KIF16B: variants seen among roughly 807,000 people sequenced by gnomAD.
The protein encoded by KIF16B is kinesin-like protein KIF16B.
In KIF16B, 98 loss-of-function variants were observed where a neutral mutation model predicts 156.3. That is an observed-to-expected ratio of 0.63 (90% CI 0.53 to 0.74). KIF16B has a LOEUF of 0.74. KIF16B is among the 30% of genes least tolerant of loss of function. The pLI is 0.00. For synonymous variants in KIF16B, 564 were observed against 583.7 expected (o/e 0.97, Z 0.49); for missense variants, 1,421 against 1,606.5 (o/e 0.88, Z 1.97).
chr20:16,405,798 TTTA>T (rs1176215621), intron 16 of KIF16B, among the ~76,000 whole-genome samples: 2 of 152,112 alleles, frequency 1.3e-5, no homozygotes, highest in South Asian at 2.1e-4. Flanking sequence ...AGCTGTAGCC[TTTA>T]TTATTTTCTT....
intron 1 of KIF16B, among the ~76,000 whole-genome samples, chr20:16,567,140 T>C (rs1052218108): frequency 7.2e-5 from 11 of 152,320 alleles, no homozygotes; most frequent in African/African-American, 2.6e-4. Context: ...AAATCCAGCA[T>C]CATAGTATCT....
At chr20:16,275,602 T>C (rs1004590317) in intron 25 of KIF16B, among the ~76,000 whole-genome samples, 1 of 152,166 alleles carries the variant, frequency 6.6e-6, no homozygotes, top group African/African-American at 2.4e-5. Context: ...AAGCAAGTAT[T>C]CTCAACTCAA....
chr20:16,367,790 G>A, intron 22 of KIF16B: 2 of 1,612,482 alleles, frequency 1.2e-6, no homozygotes, highest in East Asian at 2.2e-5. Context: ...GCGGCATCAG[G>A]CTCTGGCATC....
chr20:16,410,591 T>G (rs918099485), intron 15 of KIF16B, among the ~76,000 whole-genome samples: 1 of 152,058 alleles, frequency 6.6e-6, no homozygotes, highest in Non-Finnish European at 1.5e-5. Flanking sequence ...TAAATAATTT[T>G]GTGAATGAAA....
At chr20:16,273,980 G>A (rs1342357673) in intron 25 of KIF16B, among the ~76,000 whole-genome samples, 1 of 151,316 alleles carries the variant, frequency 6.6e-6, no homozygotes, top group Admixed American at 6.6e-5. Context: ...AGGCACAGGG[G>A]ATCTGCCTCT....
At chr20:16,305,469 C>T (rs1601533585) in intron 25 of KIF16B, among the ~76,000 whole-genome samples, 1 of 152,118 alleles carries the variant, frequency 6.6e-6, no homozygotes, top group Non-Finnish European at 1.5e-5. Flanking sequence ...GATACCTGTA[C>T]AAAATGTGTA....
chr20:16,445,411 T>C, intron 12 of KIF16B, among the ~76,000 whole-genome samples: 1 of 127,400 alleles, frequency 7.8e-6, no homozygotes, highest in African/African-American at 2.9e-5. Flanking sequence ...TATTCAGACA[T>C]GTATATACGT....
intron 23 of KIF16B, among the ~76,000 whole-genome samples, chr20:16,339,101 G>T (rs1472777670): frequency 6.6e-6 from 1 of 152,182 alleles, no homozygotes; most frequent in Non-Finnish European, 1.5e-5. Context: ...TGACAGAAAG[G>T]AGGCTGTGTT....
At chr20:16,554,899 A>AC in intron 1 of KIF16B, among the ~76,000 whole-genome samples, 1 of 152,128 alleles carries the variant, frequency 6.6e-6, no homozygotes, top group East Asian at 1.9e-4. Flanking sequence ...GGAGTTGCCC[A>AC]CCCCACTGCA....
chr20:16,478,743 T>TA (rs1350030142), intron 12 of KIF16B, among the ~76,000 whole-genome samples: 1 of 152,216 alleles, frequency 6.6e-6, no homozygotes, highest in Admixed American at 6.5e-5. Flanking sequence ...GGTATATTGT[T>TA]ATAATTGTTT....
At chr20:16,377,583 C>G (rs1348457823) in intron 19 of KIF16B, among the ~76,000 whole-genome samples, 1 of 151,842 alleles carries the variant, frequency 6.6e-6, no homozygotes, top group East Asian at 2.0e-4. Flanking sequence ...ACCCTGTGAT[C>G]TCATCCATCC....
At chr20:16,471,759 C>T (rs1240241043) in intron 12 of KIF16B, among the ~76,000 whole-genome samples, 2 of 152,220 alleles carry the variant, frequency 1.3e-5, no homozygotes, top group Non-Finnish European at 2.9e-5. Flanking sequence ...AAAGTGATTA[C>T]TACACGTACT....
rs1412179450 is a variant in KIF16B, at chr20:16,404,714, G to T, written c.1784+99C>A. The T allele has an allele frequency of 1.9e-5, 17 of 872,572 alleles. 1 individual carries two copies. Among genetic ancestry groups the T allele is most frequent in the Non-Finnish European group, 1.9e-6 (1 of 539,438 alleles). The allele number at this position is 872,572 out of a possible 1,614,324, so 54.1% of individuals were successfully genotyped here. On this transcript the variant is annotated intron_variant, in intron 17 of 25. Transcript: ENST00000354981. ...GTGGCTGATTTGATAAGGAGGCGCC[G>T]TTGCAGAAGTTTTATTTTTACCTTG...
At chr20:16,370,718 T>C (rs1158924439) in intron 21 of KIF16B, 82 bp from the exon 22 acceptor site, 4 of 1,006,598 alleles carry the variant, frequency 4.0e-6, no homozygotes, top group Non-Finnish European at 5.8e-6. Context: ...CAAGTATTTA[T>C]GGGAATGGAA....
At chr20:16,420,383 A>G (rs1051174273) in intron 15 of KIF16B, among the ~76,000 whole-genome samples, 10 of 152,168 alleles carry the variant, frequency 6.6e-5, no homozygotes, top group Non-Finnish European at 8.8e-5. Flanking sequence ...ATATATGGTA[A>G]GTAATTTAGA....
chr20:16,447,239 T>C (rs1442260597), intron 12 of KIF16B, among the ~76,000 whole-genome samples: 1 of 152,102 alleles, frequency 6.6e-6, no homozygotes, highest in East Asian at 1.9e-4. Context: ...AACTCTACTC[T>C]TAAGTTAGCC....
intron 22 of KIF16B, among the ~76,000 whole-genome samples, chr20:16,361,172 C>A (rs2064545053): frequency 6.6e-6 from 1 of 152,132 alleles, no homozygotes; most frequent in Non-Finnish European, 1.5e-5. Flanking sequence ...CTAATCCTTC[C>A]TTTTTTCAAC....
intron 15 of KIF16B, among the ~76,000 whole-genome samples, chr20:16,420,922 G>A (rs768826916): frequency 6.6e-6 from 1 of 152,092 alleles, no homozygotes; most frequent in Non-Finnish European, 1.5e-5. Flanking sequence ...GAGAGCTAAC[G>A]AGATGAAATA....
intron 17 of KIF16B, among the ~76,000 whole-genome samples, chr20:16,388,309 C>A (rs895155606): frequency 1.1e-4 from 16 of 152,108 alleles, no homozygotes; most frequent in Non-Finnish European, 4.4e-5. Context: ...CCAAAATGCA[C>A]CTATTTCCAT....
Sources: allele counts gnomAD v4.1 joint callset (sites outside exome capture counted in the v4.1 genomes callset), GRCh38; gene constraint gnomAD v4.1.1; transcripts MANE v1.5; gene names NCBI Gene and HGNC (gene_info 2026-07-23, HGNC 2026-07-21).